Variants in TPCN1 observed in about 807,000 individuals in gnomAD.
TPCN1 encodes the protein two pore channel protein 1.
Under a neutral mutation model 108.8 loss-of-function variants are expected in TPCN1, and 52 were observed. That is an observed-to-expected ratio of 0.48 (90% CI 0.38 to 0.60). The LOEUF is 0.60. TPCN1 is among the 20% of genes least tolerant of loss of function. TPCN1 has a pLI of 0.00. For missense variants in TPCN1, 806 were observed against 1,072.8 expected (o/e 0.75, Z 3.47); for synonymous variants, 446 against 433.7 (o/e 1.03, Z -0.35).
At chr12:113,265,536 T>A (rs1438138491) in intron 3 of TPCN1, among the ~76,000 whole-genome samples, 2 of 151,768 alleles carry the variant, frequency 1.3e-5, no homozygotes, top group Admixed American at 6.6e-5. Context: ...AGGACCTTTT[T>A]TCTTTTTCTT....
chr12:113,253,033 AT>A (rs1954706636), intron 2 of TPCN1, among the ~76,000 whole-genome samples: 2 of 152,110 alleles, frequency 1.3e-5, no homozygotes, highest in Admixed American at 1.3e-4. Context: ...GGAGTTTCTG[AT>A]TCTTGAGAGG....
Position 113,297,348 on chromosome 12 carries a change from G to C in TPCN1, c.*1272G>C, listed in dbSNP as rs909242234. The C allele has an allele frequency of 1.9e-5, 3 of 160,714 alleles. No homozygotes were observed. Among genetic ancestry groups the C allele is most frequent in the Non-Finnish European group, 4.1e-5 (3 of 72,318 alleles). The allele number at this position is 160,714 out of a possible 1,614,324, so 10.0% of individuals were successfully genotyped here. A position where few individuals can be genotyped will look rare whatever the true frequency, so the allele number is the denominator to read the frequency against. On this transcript the variant is annotated 3_prime_UTR_variant, in exon 28 of 28. Coordinates refer to ENST00000335509, the MANE Select transcript of TPCN1 (RefSeq NM_017901.6). This position sits in a 1 kb window ranked among gnomAD's most constrained non-coding sequence, Gnocchi z 4.4. ...TCTGCAGCAGGAGCCGCAGTGGCAG[G>C]ATGGAGGGTGCGAAGGGCAAGGAGT...
At chr12:113,275,635 C>T (rs552073460) in intron 10 of TPCN1, among the ~76,000 whole-genome samples, 1 of 151,070 alleles carries the variant, frequency 6.6e-6, no homozygotes, top group South Asian at 2.1e-4. Context: ...TGCAGTGGCG[C>T]GATCTCGGCT....
intron 2 of TPCN1, chr12:113,244,677 A>G (rs1593103487): frequency 1.0e-6 from 1 of 985,392 alleles, no homozygotes; most frequent in Middle Eastern, 5.2e-4. Flanking sequence ...GACAACTGGC[A>G]AGCGGCGGGG....
chr12:113,278,338 G>C (rs1955744249), intron 13 of TPCN1, 101 bp downstream of exon 13: 2 of 1,075,818 alleles, frequency 1.9e-6, no homozygotes, highest in Admixed American at 3.4e-5. Context: ...CTCCCTGCTA[G>C]AGCAGCTCAG....
intron 1 of TPCN1, among the ~76,000 whole-genome samples, chr12:113,222,396 C>G (rs1430727458): frequency 6.6e-6 from 1 of 152,192 alleles, no homozygotes; most frequent in Admixed American, 6.5e-5. Flanking sequence ...AACAGCAGCT[C>G]AGTTGACATT....
chr12:113,280,016 G>C, intron 14 of TPCN1, 135 bp from the exon 15 acceptor site: 1 of 668,710 alleles, frequency 1.5e-6, no homozygotes, highest in South Asian at 1.8e-5. Flanking sequence ...CTGGGGTAAA[G>C]ACCATGCTTA....
In TPCN1 at chr12:113,297,328, A is replaced by T; in HGVS notation, c.*1252A>T. 6.2e-6 allele frequency: 1 copy of T among 160,486 alleles called. No homozygotes were observed. The highest frequency in any genetic ancestry group is 1.4e-5 in the Non-Finnish European group (1 of 72,110). The allele number at this position is 160,486 out of a possible 1,614,324, so 9.9% of individuals were successfully genotyped here. On this transcript the variant is annotated 3_prime_UTR_variant, in exon 28 of 28. Coordinates refer to ENST00000335509, the MANE Select transcript of TPCN1 (RefSeq NM_017901.6). This position sits in a 1 kb window ranked among gnomAD's most constrained non-coding sequence, Gnocchi z 4.4. ...GAACGGAACACAGCATAGGTTCTGC[A>T]GCAGGAGCCGCAGTGGCAGGATGGA... is the stretch of plus-strand genomic sequence containing the variant.
intron 15 of TPCN1, among the ~76,000 whole-genome samples, chr12:113,281,636 T>G (rs1955888170): frequency 6.6e-6 from 1 of 152,126 alleles, no homozygotes; most frequent in African/African-American, 2.4e-5. Context: ...CCTCCCAGGC[T>G]CAATCCATCC....
At chr12:113,226,595 T>C (rs993219395) in intron 1 of TPCN1, 133 bp from the exon 2 acceptor site, 24 of 789,524 alleles carry the variant, frequency 3.0e-5, no homozygotes, top group Non-Finnish European at 4.5e-5. Context: ...TTCACCATTT[T>C]AAAGAGTATA....
rs1469735188 is a variant in TPCN1 at position 113,231,502 on chromosome 12, T to C, written c.112+4538T>C. On this transcript the variant is annotated intron_variant, in intron 2 of 27. Transcript: ENST00000335509. The surrounding 1 kb of genome is among the most constrained non-coding windows in gnomAD (Gnocchi z 4.3). ...CCTTTCTCCAAAGACAGTCACATTC[T>C]GAGCTACTGGGGGTTAGGACTTCAG... 6.6e-6 allele frequency among the ~76,000 whole-genome samples: 1 copy of C among 152,182 alleles called. No homozygotes were observed. The highest frequency in any genetic ancestry group is 1.5e-5 in the Non-Finnish European group (1 of 68,048).
At chr12:113,246,662 G>C (rs1333145352) in intron 2 of TPCN1, among the ~76,000 whole-genome samples, 1 of 152,250 alleles carries the variant, frequency 6.6e-6, no homozygotes, top group East Asian at 1.9e-4. Context: ...TGGAGGGCCA[G>C]CTTCCTGACA....
At chr12:113,233,759 C>T (rs964573946) in intron 2 of TPCN1, among the ~76,000 whole-genome samples, 7 of 152,240 alleles carry the variant, frequency 4.6e-5, no homozygotes, top group African/African-American at 1.4e-4. Flanking sequence ...TCATTTGGTC[C>T]TCCCTCCCAG....
At chr12:113,244,881 G>A in intron 2 of TPCN1, 3 of 478,740 alleles carry the variant, frequency 6.3e-6, no homozygotes, top group Non-Finnish European at 5.5e-6. Flanking sequence ...GAGTGAACTT[G>A]GGTGTCCAGG....
chr12:113,264,984 C>T (rs1364893662), intron 3 of TPCN1, among the ~76,000 whole-genome samples: 8 of 152,090 alleles, frequency 5.3e-5, no homozygotes, highest in Non-Finnish European at 1.2e-4. Flanking sequence ...TGCCACCATA[C>T]CCAGCTAATT....
Position 113,226,910 on chromosome 12 carries a change from A to C in TPCN1, c.58A>C (p.Ser20Arg), listed in dbSNP as rs770113863. 1.2e-6 allele frequency: 2 copies of C among 1,614,050 alleles called. No individual in the cohort carries two copies. Among genetic ancestry groups the C allele is most frequent in the Non-Finnish European group, 1.7e-6 (2 of 1,180,042 alleles). Residue 20 changes from serine (S) to arginine (R), a missense_variant, in exon 2 of 28, where the codon AGT (serine) becomes CGT (arginine). By Grantham distance (110) the Ser-to-Arg change is moderately radical. Coordinates refer to ENST00000335509, the MANE Select transcript of TPCN1 (RefSeq NM_017901.6). ...CATCCTGACCTTGGATGAGGGTGGC[A>C]GTGCCCCACTGGCTCCCTCCAACGG... The part of the protein sequence containing the change: ...PLILTLDEGG[S>R]APLAPSNGLG...
chr12:113,247,250 C>T (rs945051614), intron 2 of TPCN1, among the ~76,000 whole-genome samples: 14 of 152,246 alleles, frequency 9.2e-5, no homozygotes, highest in South Asian at 2.1e-4. Context: ...CTGGGCCTGC[C>T]GGGATTGGTT....
At chr12:113,242,508 G>T (rs1954185644) in intron 2 of TPCN1, among the ~76,000 whole-genome samples, 1 of 152,192 alleles carries the variant, frequency 6.6e-6, no homozygotes, top group African/African-American at 2.4e-5. Context: ...ATCAAGTCTT[G>T]TTTGTAGGGC....
rs569079960 is a variant in TPCN1, at chr12:113,269,015, G to C, written c.659+143G>C. 1.3e-5 allele frequency: 13 copies of C among 964,826 alleles called. No individual in the cohort carries two copies. In the East Asian group the frequency reaches 2.9e-4, roughly 22 times the overall value. The allele number at this position is 964,826 out of a possible 1,614,324, so 59.8% of individuals were successfully genotyped here. On this transcript the variant is annotated intron_variant, in intron 6 of 27. Transcript: ENST00000335509. This position sits in a 1 kb window ranked among gnomAD's most constrained non-coding sequence, Gnocchi z 5.0. ...GTACACGCAGACTCACTCTCCCTCTGCCATTCCATCCACGCACAGGAGAAA... is the reference window on the plus strand; with the variant it reads ...GTACACGCAGACTCACTCTCCCTCTCCCATTCCATCCACGCACAGGAGAAA...
Sources: allele counts gnomAD v4.1 joint callset (sites outside exome capture counted in the v4.1 genomes callset), GRCh38; gene constraint gnomAD v4.1.1; non-coding constraint Gnocchi (gnomAD v3.1); transcripts MANE v1.5; gene names NCBI Gene and HGNC (gene_info 2026-07-23, HGNC 2026-07-21).